Variants in APBB2 observed in about 807,000 individuals in gnomAD.
APBB2 encodes the protein amyloid beta precursor protein binding family B member 2, also known as Fe65-like 1.
Under a neutral mutation model 82.5 loss-of-function variants are expected in APBB2, and 38 were observed. The ratio of observed to expected loss-of-function variants is 0.46; its 90% confidence interval spans 0.36 to 0.60. The LOEUF is 0.60. Among genes scored for constraint, APBB2 ranks in the 20% least tolerant of loss-of-function variants. The pLI is 0.00. For missense variants in APBB2, 772 were observed against 972.3 expected, an observed-to-expected ratio of 0.79 and a Z score of 2.74; for synonymous variants, 341 against 368.2, an observed-to-expected ratio of 0.93 and a Z score of 0.85.
chr4:41,006,427 C>T (rs1036097504), intron 6 of APBB2, among the ~76,000 whole-genome samples: 1 of 152,098 alleles, frequency 6.6e-6, no homozygotes, highest in Admixed American at 6.6e-5. Context: ...GGCAAACCAG[C>T]TGAAGACTGG....
intron 1 of APBB2, among the ~76,000 whole-genome samples, chr4:41,197,902 A>C: frequency 6.6e-6 from 1 of 152,248 alleles, no homozygotes; most frequent in East Asian, 1.9e-4. Context: ...ATAAAATGCA[A>C]AAGAATGAAT....
intron 1 of APBB2, among the ~76,000 whole-genome samples, chr4:41,201,476 T>C (rs1776682439): frequency 6.6e-6 from 1 of 152,224 alleles, no homozygotes; most frequent in Non-Finnish European, 1.5e-5. Flanking sequence ...ATATCTTGAT[T>C]ACTTGCTCTA....
rs1578521348 is a variant in APBB2 at position 40,930,470 on chromosome 4, CGCGTGCGCGTAT to C, written c.1254+3974_1254+3985del. On this transcript the variant is annotated intron_variant, in intron 10 of 17. Coordinates refer to ENST00000508593, the MANE Select transcript of APBB2 (RefSeq NM_004307.2). ...GTGTGCGCGCGCGCGCGCGCGCGTG[CGCGTGCGCGTAT>C]GCGTGTGTATGTGTGTGGTGATTTT... is the stretch of plus-strand genomic sequence containing the variant. 8.6e-5 allele frequency among the ~76,000 whole-genome samples: 12 copies of C among 140,282 alleles called. No homozygotes were observed. The South Asian group carries it at 8.6e-4, about 10-fold the overall frequency. The allele number at this position is 140,282 out of a possible 152,430, so 92.0% of individuals were successfully genotyped here.
At chr4:41,148,271 T>A (rs1388149601) in intron 1 of APBB2, among the ~76,000 whole-genome samples, 3 of 152,226 alleles carry the variant, frequency 2.0e-5, no homozygotes, top group Non-Finnish European at 4.4e-5. Context: ...TTCACTAATG[T>A]TTTTAAAGCT....
chr4:40,812,003 T>A lies in APBB2; in HGVS notation c.*4089A>T, dbSNP rs1408351750. ...ACTTCTTCGTGCTAAAATATCACAATCCTAGCAAGACCGCTTACAAAAGAC... is the reference window on the plus strand; with the variant it reads ...ACTTCTTCGTGCTAAAATATCACAAACCTAGCAAGACCGCTTACAAAAGAC... On this transcript the variant is annotated 3_prime_UTR_variant, in exon 18 of 18. Transcript: ENST00000508593. The A allele has an allele frequency of 6.6e-6, 1 of 152,164 alleles. No homozygotes were observed. The highest frequency in any genetic ancestry group is 1.5e-5 in the Non-Finnish European group (1 of 68,018). The allele number at this position is 152,164 out of a possible 1,614,324, so 9.4% of individuals were successfully genotyped here. A position where few individuals can be genotyped will look rare whatever the true frequency, so the allele number is the denominator to read the frequency against.
chr4:40,961,045 A>T (rs968881887), intron 6 of APBB2, among the ~76,000 whole-genome samples: 1 of 151,910 alleles, frequency 6.6e-6, no homozygotes, highest in Admixed American at 6.6e-5. Flanking sequence ...GACATAGCCT[A>T]GGGACAGCAG....
chr4:40,821,862 A>T lies in APBB2; in HGVS notation c.2112+9T>A, dbSNP rs1426771131. 1 of 1,612,118 alleles carries T rather than the reference A, an allele frequency of 6.2e-7. No individual in the cohort carries two copies. The highest frequency in any genetic ancestry group is 1.7e-5 in the Admixed American group (1 of 59,984). On this transcript the variant is annotated intron_variant, in intron 17 of 17. Transcript: ENST00000508593. ...GGAGGGCTCAACAGCCTGTACCGGGATAACTCACCATGCAGGCGGCCTGCA... is the reference window on the plus strand; with the variant it reads ...GGAGGGCTCAACAGCCTGTACCGGGTTAACTCACCATGCAGGCGGCCTGCA...
At chr4:41,160,415 T>C (rs1350037993) in intron 1 of APBB2, among the ~76,000 whole-genome samples, 2 of 152,170 alleles carry the variant, frequency 1.3e-5, no homozygotes, top group African/African-American at 4.8e-5. Context: ...CAGGGAAATT[T>C]TCTCTCCAGA....
intron 4 of APBB2, among the ~76,000 whole-genome samples, chr4:41,035,291 T>A (rs1421470393): frequency 1.3e-5 from 2 of 152,220 alleles, no homozygotes; most frequent in East Asian, 3.8e-4. Flanking sequence ...ATTCTGATAA[T>A]GACCTGACAG....
chr4:40,964,302 T>C (rs1794042138), intron 6 of APBB2, among the ~76,000 whole-genome samples: 2 of 152,132 alleles, frequency 1.3e-5, no homozygotes, highest in Non-Finnish European at 2.9e-5. Flanking sequence ...CCTACAAGCA[T>C]TGAACTAGTA....
intron 3 of APBB2, among the ~76,000 whole-genome samples, chr4:41,089,761 C>T (rs893027590): frequency 6.6e-6 from 1 of 152,126 alleles, no homozygotes; most frequent in African/African-American, 2.4e-5. Flanking sequence ...TGTAAATCTA[C>T]CCTACTTTAA....
chr4:41,169,183 C>CAAAAAA (rs60032221), intron 1 of APBB2, among the ~76,000 whole-genome samples: 3 of 60,706 alleles, frequency 4.9e-5, no homozygotes, highest in African/African-American at 5.6e-5. Context: ...CACTCCGTCT[C>CAAAAAA]AAAAAAAAAA....
intron 12 of APBB2, among the ~76,000 whole-genome samples, chr4:40,830,924 C>CAA (rs113648544): frequency 6.7e-6 from 1 of 148,526 alleles, no homozygotes; most frequent in Non-Finnish European, 1.5e-5. Flanking sequence ...AAACCAAAAC[C>CAA]AAAAAAAAAC....
chr4:41,007,542 C>T (rs771263146), intron 6 of APBB2, among the ~76,000 whole-genome samples: 2 of 152,082 alleles, frequency 1.3e-5, no homozygotes, highest in Non-Finnish European at 2.9e-5. Flanking sequence ...CCTATAGACT[C>T]GAATAGAATA....
At chr4:40,840,551 C>A (rs1452335875) in intron 12 of APBB2, among the ~76,000 whole-genome samples, 1 of 152,202 alleles carries the variant, frequency 6.6e-6, no homozygotes, top group Admixed American at 6.5e-5. Flanking sequence ...TCACTAATTT[C>A]ACAAAGTTCA....
chr4:41,052,749 A>C (rs1726454517), intron 4 of APBB2, among the ~76,000 whole-genome samples: 1 of 150,296 alleles, frequency 6.7e-6, no homozygotes, highest in Non-Finnish European at 1.5e-5. Flanking sequence ...TTCCTTTGGG[A>C]CAATTTTTCT....
At chr4:40,925,967 T>C (rs752836875) in intron 10 of APBB2, among the ~76,000 whole-genome samples, 12 of 152,122 alleles carry the variant, frequency 7.9e-5, no homozygotes, top group Non-Finnish European at 2.9e-5. Flanking sequence ...TCCTTCCTCT[T>C]CCTCTCCATC....
chr4:41,020,823 G>A (rs116152772), intron 5 of APBB2, among the ~76,000 whole-genome samples: 6,975 of 152,254 alleles, frequency 0.046, 342 homozygotes, highest in African/African-American at 0.12. Flanking sequence ...ACACTCCGAA[G>A]CCTCTGAGGC....
intron 10 of APBB2, among the ~76,000 whole-genome samples, chr4:40,921,076 G>T (rs1225307442): frequency 6.6e-6 from 1 of 152,202 alleles, no homozygotes; most frequent in Middle Eastern, 3.2e-3. Context: ...CCCTCACAAG[G>T]CTTGTGGGAG....
Sources: gnomAD v4.1 joint callset for allele counts (sites outside exome capture counted in the v4.1 genomes callset) on GRCh38, gnomAD v4.1.1 for gene constraint, MANE v1.5 for transcripts, NCBI Gene and HGNC (gene_info 2026-07-23, HGNC 2026-07-21) for gene names.